The following MAD1L1 variants were observed in gnomAD, a reference collection of about 807,000 sequenced individuals.
The protein encoded by MAD1L1 is mitotic arrest deficient 1 like 1, also known as mitotic spindle assembly checkpoint protein MAD1.
A neutral mutation model predicts 96.9 loss-of-function variants in MAD1L1; 95 were observed. The observed-to-expected ratio is 0.98, with a 90% confidence interval of 0.83 to 1.16. MAD1L1 has a LOEUF of 1.16. Among genes scored for constraint, MAD1L1 ranks in the 50% most tolerant of loss-of-function variants. The pLI is 0.00. For missense variants in MAD1L1, 1,007 were observed against 954.4 expected (o/e 1.06, Z -0.73); for synonymous variants, 473 against 396.6 (o/e 1.19, Z -2.29).
At chr7:2,005,207 A>G (rs924691927) in intron 13 of MAD1L1, among the ~76,000 whole-genome samples, 3 of 152,216 alleles carry the variant, frequency 2.0e-5, no homozygotes, top group Non-Finnish European at 4.4e-5. Flanking sequence ...CACAGGAGCC[A>G]TCCAGCCATG....
chr7:1,958,537 C>T (rs1223127428), intron 15 of MAD1L1, among the ~76,000 whole-genome samples: 2 of 152,076 alleles, frequency 1.3e-5, no homozygotes, highest in African/African-American at 4.8e-5. Context: ...CAGCAAGACC[C>T]GAGGAAACCC....
At chr7:1,855,187 G>A (rs951965627) in intron 18 of MAD1L1, among the ~76,000 whole-genome samples, 3 of 152,018 alleles carry the variant, frequency 2.0e-5, no homozygotes, top group Non-Finnish European at 4.4e-5. Flanking sequence ...CATCCTTCCC[G>A]TCTCCCTCCT....
intron 11 of MAD1L1, among the ~76,000 whole-genome samples, chr7:2,080,634 G>T (rs952918995): frequency 3.3e-5 from 5 of 150,872 alleles, no homozygotes; most frequent in Non-Finnish European, 7.4e-5. Context: ...AAAGAACAGC[G>T]CTGGGCTCTG....
chr7:2,080,773 G>A (rs911341687), intron 11 of MAD1L1, among the ~76,000 whole-genome samples: 7 of 152,294 alleles, frequency 4.6e-5, no homozygotes, highest in East Asian at 1.9e-4. Flanking sequence ...CGTGTGGTTG[G>A]GCAAAGGGAA....
chr7:2,187,662 A>G (rs1791525677), intron 10 of MAD1L1, among the ~76,000 whole-genome samples: 1 of 152,210 alleles, frequency 6.6e-6, no homozygotes, highest in Non-Finnish European at 1.5e-5. Context: ...TAACCCCTTG[A>G]TAAGATCTCA....
At chr7:2,097,019 A>G (rs1380771857) in intron 11 of MAD1L1, among the ~76,000 whole-genome samples, 3 of 152,170 alleles carry the variant, frequency 2.0e-5, no homozygotes, top group Non-Finnish European at 4.4e-5. Flanking sequence ...AGTGGACCAC[A>G]GTTGACATGG....
intron 17 of MAD1L1, among the ~76,000 whole-genome samples, chr7:1,911,675 C>T (rs747585186): frequency 1.6e-4 from 25 of 151,798 alleles, no homozygotes; most frequent in Admixed American, 2.6e-4. Flanking sequence ...CTCTCCAGTC[C>T]GGCGTCACCT....
At chr7:2,214,211 T>C (rs924821555) in intron 9 of MAD1L1, among the ~76,000 whole-genome samples, 40 of 152,196 alleles carry the variant, frequency 2.6e-4, no homozygotes, top group African/African-American at 8.9e-4. Flanking sequence ...CCCAGGGACA[T>C]GGAGCAGCAA....
At chr7:2,095,201 C>A (rs746616413) in intron 11 of MAD1L1, among the ~76,000 whole-genome samples, 1 of 152,116 alleles carries the variant, frequency 6.6e-6, no homozygotes, top group African/African-American at 2.4e-5. Flanking sequence ...CGCCACCACG[C>A]CTGGCTACAT....
At chr7:1,893,671 G>T (rs936515402) in intron 18 of MAD1L1, among the ~76,000 whole-genome samples, 1 of 152,142 alleles carries the variant, frequency 6.6e-6, no homozygotes, top group Admixed American at 6.5e-5. Context: ...AGCCCCCTGA[G>T]GATGCCTTTC....
chr7:1,818,866 T>TGGGGGG (rs1781974857), intron 18 of MAD1L1, among the ~76,000 whole-genome samples: 1 of 139,708 alleles, frequency 7.2e-6, no homozygotes. Flanking sequence ...CAGGTGGGGG[T>TGGGGGG]GGGGGTGGAC....
At chr7:2,173,024 C>T (rs1202763587) in intron 10 of MAD1L1, among the ~76,000 whole-genome samples, 1 of 152,216 alleles carries the variant, frequency 6.6e-6, no homozygotes, top group East Asian at 1.9e-4. Flanking sequence ...TCCATGTATA[C>T]GTATTCCTCG....
At chr7:1,877,385 A>G (rs1166662456) in intron 18 of MAD1L1, among the ~76,000 whole-genome samples, 3 of 151,860 alleles carry the variant, frequency 2.0e-5, no homozygotes, top group Non-Finnish European at 2.9e-5. Flanking sequence ...CTTGCCCTAG[A>G]GCAATAACTA....
At chr7:1,965,995 C>G (rs73292431) in intron 15 of MAD1L1, among the ~76,000 whole-genome samples, 5,147 of 152,346 alleles carry the variant, frequency 0.034, 194 homozygotes, top group East Asian at 0.086. Context: ...TGGGTCCCAT[C>G]CACACTGGCA....
chr7:2,089,724 C>G (rs1022210768), intron 11 of MAD1L1, among the ~76,000 whole-genome samples: 1 of 151,538 alleles, frequency 6.6e-6, no homozygotes. Context: ...AACACCTGTC[C>G]CCGGGGCCCA....
Position 1,816,191 on chromosome 7 carries a change from T to C in MAD1L1, c.2036A>G (p.Glu679Gly). The change falls in exon 19 of 19, where the codon GAG becomes GGG. Residue 679 changes from glutamate to glycine, a missense_variant. Coordinates refer to ENST00000265854, the MANE Select transcript of MAD1L1 (RefSeq NM_001013836.2). ...GCCCACGGTGTGTGAGAACTCTGTC[T>C]CCAGTAGCTGCATCTTGGAACCCGA... ...SPSGSKMQLLETEFSHTVGEL... is the reference protein window; with the variant it reads ...SPSGSKMQLLGTEFSHTVGEL... 1.2e-6 allele frequency: 2 copies of C among 1,613,034 alleles called. No individual in the cohort carries two copies. The highest frequency in any genetic ancestry group is 4.5e-5 in the East Asian group (2 of 44,802).
chr7:2,084,116 C>T (rs1785789081), intron 11 of MAD1L1, among the ~76,000 whole-genome samples: 1 of 152,276 alleles, frequency 6.6e-6, no homozygotes, highest in South Asian at 2.1e-4. Flanking sequence ...CATTCCAAGG[C>T]AGCACTGCTG....
chr7:1,854,018 C>T (rs1784113565), intron 18 of MAD1L1, among the ~76,000 whole-genome samples: 1 of 152,234 alleles, frequency 6.6e-6, no homozygotes, highest in African/African-American at 2.4e-5. Context: ...GCACTGGGAG[C>T]TTCACGATTA....
intron 11 of MAD1L1, among the ~76,000 whole-genome samples, chr7:2,070,124 C>T (rs750089365): frequency 2.0e-5 from 3 of 152,216 alleles, no homozygotes; most frequent in Non-Finnish European, 1.5e-5. Context: ...CTTCCGAGTT[C>T]GTGGCCTGGC....
Sources: gnomAD v4.1 joint callset for allele counts (sites outside exome capture counted in the v4.1 genomes callset) on GRCh38, gnomAD v4.1.1 for gene constraint, MANE v1.5 for transcripts, NCBI Gene and HGNC (gene_info 2026-07-23, HGNC 2026-07-21) for gene names.